DAB1: variants seen among roughly 807,000 people sequenced by gnomAD.
The protein encoded by DAB1 is disabled homolog 1.
A neutral mutation model predicts 64.6 loss-of-function variants in DAB1; 15 were observed. That is an observed-to-expected ratio of 0.23 (90% CI 0.16 to 0.36). The LOEUF (loss-of-function observed/expected upper bound fraction) is 0.36, where lower values mean the gene tolerates loss of function less well. Ranked by LOEUF, DAB1 falls within the 10% of genes least tolerant of loss-of-function variation. The probability of loss-of-function intolerance (pLI) is 1.00; values close to 1 mark genes in which losing one functional copy is unlikely to be tolerated. For synonymous variants in DAB1, 235 were observed against 251.9 expected, an observed-to-expected ratio of 0.93 and a Z score of 0.64; for missense variants, 596 against 706.7, an observed-to-expected ratio of 0.84 and a Z score of 1.78.
At chr1:58,527,688 T>C (rs1022862764) in intron 1 of DAB1, among the ~76,000 whole-genome samples, 3 of 152,190 alleles carry the variant, frequency 2.0e-5, no homozygotes, top group Non-Finnish European at 2.9e-5. Context: ...AAGGAATATT[T>C]TGACCTTGAG....
chr1:57,078,308 A>G (rs1392079858), intron 4 of DAB1, among the ~76,000 whole-genome samples: 2 of 152,168 alleles, frequency 1.3e-5, no homozygotes, highest in African/African-American at 2.4e-5. Context: ...TGGACTGTGG[A>G]ATCAGAAGAA....
chr1:58,114,988 G>C (rs1320350549), intron 5 of DAB1, among the ~76,000 whole-genome samples: 1 of 151,776 alleles, frequency 6.6e-6, no homozygotes, highest in Non-Finnish European at 1.5e-5. Context: ...TTGACAAATG[G>C]GATCTAATTA....
chr1:57,844,130 A>G (rs996977844), intron 1 of DAB1, among the ~76,000 whole-genome samples: 4 of 152,224 alleles, frequency 2.6e-5, no homozygotes, highest in African/African-American at 9.6e-5. Context: ...CTTAAGACCC[A>G]AAATCTTCTT....
At chr1:57,834,586 G>GT (rs1266625521) in intron 1 of DAB1, among the ~76,000 whole-genome samples, 1 of 151,328 alleles carries the variant, frequency 6.6e-6, no homozygotes, top group African/African-American at 2.4e-5. Context: ...TATGCACACA[G>GT]TTTTTTATAT....
intron 2 of DAB1, among the ~76,000 whole-genome samples, chr1:57,209,231 G>A (rs1227426726): frequency 1.3e-5 from 2 of 152,218 alleles, no homozygotes; most frequent in African/African-American, 4.8e-5. Flanking sequence ...TGCACTGAGT[G>A]TTTCTAGCTT....
intron 4 of DAB1, among the ~76,000 whole-genome samples, chr1:57,124,718 T>C (rs1374186946): frequency 6.6e-6 from 1 of 152,124 alleles, no homozygotes; most frequent in Non-Finnish European, 1.5e-5. Flanking sequence ...ATCCCTGAAC[T>C]ATATGAATGA....
At chr1:57,044,662 A>AT (rs1317241496) in intron 9 of DAB1, among the ~76,000 whole-genome samples, 2 of 152,204 alleles carry the variant, frequency 1.3e-5, no homozygotes, top group Non-Finnish European at 2.9e-5. Flanking sequence ...CACGTTTGCT[A>AT]TATCTGTTCT....
At chr1:58,408,059 A>G (rs338913) in intron 3 of DAB1, among the ~76,000 whole-genome samples, 23,457 of 152,100 alleles carry the variant, frequency 0.15, 2,282 homozygotes, top group Middle Eastern at 0.22. Context: ...CAGCAGCCTC[A>G]GCATCGCCTG....
At chr1:57,594,923 G>A (rs1443646420) in intron 7 of DAB1, among the ~76,000 whole-genome samples, 1 of 151,764 alleles carries the variant, frequency 6.6e-6, no homozygotes, top group Non-Finnish European at 1.5e-5. Flanking sequence ...TATTAGCCAG[G>A]ATGTTCTCGA....
At chr1:57,932,539 AG>A (rs1644968612) in intron 5 of DAB1, among the ~76,000 whole-genome samples, 1 of 151,780 alleles carries the variant, frequency 6.6e-6, no homozygotes, top group African/African-American at 2.4e-5. Flanking sequence ...AGGGTATTAA[AG>A]GCTCCAATTA....
At chr1:57,166,151 G>A (rs1252798260) in intron 2 of DAB1, among the ~76,000 whole-genome samples, 2 of 152,156 alleles carry the variant, frequency 1.3e-5, no homozygotes, top group African/African-American at 4.8e-5. Context: ...GCCATCAATA[G>A]CCCTATGAGG....
At chr1:57,556,537 T>C (rs1454038257) in intron 7 of DAB1, among the ~76,000 whole-genome samples, 1 of 152,200 alleles carries the variant, frequency 6.6e-6, no homozygotes, top group Non-Finnish European at 1.5e-5. Context: ...TTAGTGATGC[T>C]GAGCATTTTT....
At chr1:58,491,127 AG>A (rs1439193970) in intron 3 of DAB1, among the ~76,000 whole-genome samples, 1 of 152,096 alleles carries the variant, frequency 6.6e-6, no homozygotes. Flanking sequence ...CTTAAAGAAA[AG>A]AATTTTCAAC....
chr1:57,761,198 T>A (rs1272838122), intron 6 of DAB1, among the ~76,000 whole-genome samples: 3 of 152,186 alleles, frequency 2.0e-5, no homozygotes, highest in African/African-American at 7.2e-5. Context: ...GAGGAAAAAG[T>A]CTGAGTTGGT....
intron 3 of DAB1, among the ~76,000 whole-genome samples, chr1:58,371,502 AAAT>A (rs1219449867): frequency 3.3e-5 from 5 of 152,232 alleles, no homozygotes; most frequent in Non-Finnish European, 5.9e-5. Flanking sequence ...ATATGGTAGA[AAAT>A]AAAAACCCAT....
chr1:57,838,182 C>T (rs1490146311), intron 1 of DAB1, among the ~76,000 whole-genome samples: 1 of 152,084 alleles, frequency 6.6e-6, no homozygotes, highest in Non-Finnish European at 1.5e-5. Flanking sequence ...TCCCTGTGCC[C>T]ATGGAATATC....
At chr1:58,186,170 C>T (rs1180328679) in intron 4 of DAB1, among the ~76,000 whole-genome samples, 1 of 152,124 alleles carries the variant, frequency 6.6e-6, no homozygotes, top group African/African-American at 2.4e-5. Context: ...TCTTCTAGAG[C>T]AGTGGGGGTC....
At chr1:57,538,459 T>G (rs563686523) in intron 7 of DAB1, among the ~76,000 whole-genome samples, 1 of 152,292 alleles carries the variant, frequency 6.6e-6, no homozygotes, top group East Asian at 1.9e-4. Context: ...CCCTGGAATT[T>G]TGACCAGCAG....
intron 5 of DAB1, among the ~76,000 whole-genome samples, chr1:58,055,369 T>C (rs74076035): frequency 0.056 from 8,494 of 152,210 alleles, 792 homozygotes; most frequent in African/African-American, 0.2. Flanking sequence ...GAATGGTGTC[T>C]TCCCTCATCT....
Sources: allele counts gnomAD v4.1 joint callset (sites outside exome capture counted in the v4.1 genomes callset), GRCh38; gene constraint gnomAD v4.1.1; transcripts MANE v1.5; gene names NCBI Gene and HGNC (gene_info 2026-07-23, HGNC 2026-07-21).